The following CASK variants were observed in gnomAD, a reference collection of about 807,000 sequenced individuals.
CASK encodes peripheral plasma membrane protein CASK.
In CASK, 4 loss-of-function variants were observed where a neutral mutation model predicts 82.9. The ratio of observed to expected loss-of-function variants is 0.05; its 90% CI spans 0.02 to 0.11. The LOEUF is 0.11. CASK is among the 10% of genes least tolerant of loss of function. The pLI, the probability that CASK is intolerant of heterozygous loss-of-function variation, is 1.00. For missense variants in CASK, 358 were observed against 720.9 expected (o/e 0.50, Z 5.76); for synonymous variants, 259 against 253.5 (o/e 1.02, Z -0.20).
chrX:41,637,722 C>A (rs938682143), intron 8 of CASK, among the ~76,000 whole-genome samples: 1 of 110,622 alleles, frequency 9.0e-6, no homozygotes, highest in Non-Finnish European at 1.9e-5. Context: ...TGGCTCACCA[C>A]AGCCTCGACC....
intron 22 of CASK, among the ~76,000 whole-genome samples, chrX:41,536,547 C>G (rs184188612): frequency 9.0e-6 from 1 of 111,541 alleles, no homozygotes; most frequent in Non-Finnish European, 1.9e-5. Context: ...AAATAAGATA[C>G]TTGGGAATAG....
At chrX:41,893,770 A>T (rs2072219555) in intron 1 of CASK, among the ~76,000 whole-genome samples, 1 of 112,548 alleles carries the variant, frequency 8.9e-6, no homozygotes, top group Non-Finnish European at 1.9e-5. Context: ...CAGGCTTAAA[A>T]ATAAAAACAA....
intron 5 of CASK, among the ~76,000 whole-genome samples, chrX:41,673,045 A>C (rs186999531): frequency 2.2e-4 from 25 of 112,116 alleles, no homozygotes; most frequent in Non-Finnish European, 3.8e-4. Flanking sequence ...CAGAAGAAAA[A>C]AGTGCAAACT....
At chrX:41,893,916 T>G in intron 1 of CASK, among the ~76,000 whole-genome samples, 1 of 111,947 alleles carries the variant, frequency 8.9e-6, no homozygotes, top group Non-Finnish European at 1.9e-5. Flanking sequence ...AACCACTACC[T>G]GAGTGGATCA....
chrX:41,883,159 G>C (rs926932447), intron 1 of CASK, among the ~76,000 whole-genome samples: 2 of 111,773 alleles, frequency 1.8e-5, no homozygotes. Context: ...GGACATTTTC[G>C]GGATATGGAT....
intron 3 of CASK, among the ~76,000 whole-genome samples, chrX:41,747,482 C>T (rs1488611658): frequency 9.0e-6 from 1 of 111,298 alleles, no homozygotes; most frequent in East Asian, 2.8e-4. Flanking sequence ...CTCTGTCGCC[C>T]AGGCTGGAGT....
At position 41,518,415 on chromosome X, in the gene CASK, A is replaced by C. The variant is rs1264338156; in HGVS notation, c.*2005T>G. ...CAACTCTTTGAAGGTTTCTCTCTCTATCTAGTGTGAGACCACTGTTGAGCT... is the reference window on the plus strand; with the variant it reads ...CAACTCTTTGAAGGTTTCTCTCTCTCTCTAGTGTGAGACCACTGTTGAGCT... On this transcript the variant is annotated 3_prime_UTR_variant, in exon 27 of 27. Coordinates refer to ENST00000378163, the MANE Select transcript of CASK (RefSeq NM_001367721.1). 1 of 109,227 alleles carries C rather than the reference A, an allele frequency of 9.2e-6. No individual in the cohort carries two copies. Among genetic ancestry groups the C allele is most frequent in the Non-Finnish European group, 1.9e-5 (1 of 52,655 alleles). The allele number at this position is 109,227 out of a possible 1,213,427, so 9.0% of individuals were successfully genotyped here.
chrX:41,578,945 G>A (rs6609152), intron 14 of CASK, among the ~76,000 whole-genome samples: 232 of 112,166 alleles, frequency 2.1e-3, no homozygotes, highest in African/African-American at 7.3e-3. Flanking sequence ...GAATAAATGA[G>A]TGAATCAATG....
intron 2 of CASK, among the ~76,000 whole-genome samples, chrX:41,818,249 T>C (rs1196630713): frequency 9.5e-6 from 1 of 105,727 alleles, no homozygotes; most frequent in Non-Finnish European, 1.9e-5. Flanking sequence ...CCTAGAAAAG[T>C]GCAAACAATT....
At chrX:41,641,363 T>G (rs1261563714) in intron 8 of CASK, among the ~76,000 whole-genome samples, 1 of 112,058 alleles carries the variant, frequency 8.9e-6, no homozygotes, top group African/African-American at 3.2e-5. Flanking sequence ...GTGTGTTCAT[T>G]ACCCAAAATT....
chrX:41,881,006 T>G (rs2071941619), intron 1 of CASK, among the ~76,000 whole-genome samples: 1 of 111,679 alleles, frequency 9.0e-6, no homozygotes, highest in Admixed American at 9.6e-5. Flanking sequence ...ACACACCGCA[T>G]CCAGCTATAC....
chrX:41,576,216 A>C (rs1323544890), intron 15 of CASK, among the ~76,000 whole-genome samples: 1 of 109,690 alleles, frequency 9.1e-6, no homozygotes, highest in Non-Finnish European at 1.9e-5. Flanking sequence ...CTCGTGATCC[A>C]CCCGCCTCGT....
chrX:41,920,096 A>G (rs941556188), intron 1 of CASK, among the ~76,000 whole-genome samples: 1 of 111,909 alleles, frequency 8.9e-6, no homozygotes, highest in Admixed American at 9.5e-5. Context: ...GTGGGTAGTC[A>G]ATTAGTCTTG....
chrX:41,570,010 CTTTTTTTTTTTT>C (rs397937722), intron 15 of CASK, among the ~76,000 whole-genome samples: 1 of 70,628 alleles, frequency 1.4e-5, no homozygotes, highest in Non-Finnish European at 2.6e-5. Context: ...TTTCTTTTTT[CTTTTTTTTTTTT>C]TTTTTTTTGA....
chrX:41,571,746 A>G (rs1259231611), intron 15 of CASK, among the ~76,000 whole-genome samples: 2 of 111,759 alleles, frequency 1.8e-5, no homozygotes, highest in Non-Finnish European at 3.8e-5. Flanking sequence ...AGCTGAAGTC[A>G]TTGATTTGAG....
intron 2 of CASK, among the ~76,000 whole-genome samples, chrX:41,804,580 C>T (rs976223066): frequency 1.8e-5 from 2 of 111,802 alleles, no homozygotes; most frequent in Non-Finnish European, 3.8e-5. Context: ...GAACTACTGT[C>T]CTTAGAAATC....
At position 41,578,454 on chromosome X, in the gene CASK, G is replaced by T. The variant is rs749994071; in HGVS notation, c.1389C>A (p.Pro463=). The T allele has an allele frequency of 8.3e-7, 1 of 1,204,879 alleles. No individual in the cohort carries two copies. Residue 463 remains proline (P), a synonymous_variant, in exon 15 of 27, where the codon CCC becomes CCA. Coordinates refer to ENST00000378163, the MANE Select transcript of CASK (RefSeq NM_001367721.1). ...SDEALRVTPP[P]TSPYLNGDSP... The stretch of plus-strand genomic sequence containing the variant: ...AATCGCCGTTTAAATAGGGAGAGGT[G>T]GGAGGAGGTGTGACCCTCAATGCTT...
intron 9 of CASK, among the ~76,000 whole-genome samples, chrX:41,635,197 A>C (rs2066531914): frequency 9.0e-6 from 1 of 111,258 alleles, no homozygotes; most frequent in Non-Finnish European, 1.9e-5. Context: ...AATTTTAATT[A>C]ATTTAAATTT....
In CASK at chrX:41,905,360, C is replaced by T. The variant is rs184947738; in HGVS notation, c.59+17570G>A. Among the ~76,000 whole-genome samples, 21 of 112,067 alleles carry T rather than the reference C, an allele frequency of 1.9e-4. 1 individual carries two copies. The highest frequency in any genetic ancestry group is 2.8e-4 in the Non-Finnish European group (15 of 53,210). On this transcript the variant is annotated intron_variant, in intron 1 of 26. Transcript: ENST00000378163. ...AACATTCTACATTCCCACCAACGTACGAGAGATCCAATTTCTCCACATCCC... is the reference window on the plus strand; with the variant it reads ...AACATTCTACATTCCCACCAACGTATGAGAGATCCAATTTCTCCACATCCC...
Sources: allele counts gnomAD v4.1 joint callset (sites outside exome capture counted in the v4.1 genomes callset), GRCh38; gene constraint gnomAD v4.1.1; transcripts MANE v1.5; gene names NCBI Gene and HGNC (gene_info 2026-07-23, HGNC 2026-07-21).